Variants in TGM2 observed in about 807,000 individuals in gnomAD.
TGM2 encodes the protein protein-glutamine gamma-glutamyltransferase 2.
Under a neutral mutation model 75.6 loss-of-function variants are expected in TGM2, and 53 were observed. The observed-to-expected ratio is 0.70, with a 90% CI of 0.56 to 0.88. The LOEUF is 0.88. TGM2 is among the 40% of genes least tolerant of loss of function. The pLI, the probability that TGM2 is intolerant of heterozygous loss-of-function variation, is 0.00. For missense variants in TGM2, 842 were observed against 928.5 expected (o/e 0.91, Z 1.21); for synonymous variants, 374 against 381.1 (o/e 0.98, Z 0.22).
At chr20:38,141,210 C>T in intron 8 of TGM2, 72 bp downstream of exon 8, 1 of 1,316,990 alleles carries the variant, frequency 7.6e-7, no homozygotes, top group Non-Finnish European at 1.1e-6. Context: ...TGCCGCCCTC[C>T]AGCTGAGTCA....
rs368023176 is a variant in TGM2 at position 38,142,075 on chromosome 20, G to T, written c.984C>A (p.Ser328Arg). ...GGCCCCCACCTCACCAGATCATCTC[G>T]CTCTTGTCACCCTGGATCTCCCCAA... Reference protein sequence around the residue: ...NEFGEIQGDKSEMIWNFHCWV... With the variant: ...NEFGEIQGDKREMIWNFHCWV... Residue 328 changes from serine to arginine, a missense_variant, in exon 7 of 13, where the codon AGC becomes AGA. Physicochemically the swap from Ser to Arg is moderately radical, Grantham distance 110. Transcript: ENST00000361475. 8 of 1,614,014 alleles carry T rather than the reference G, an allele frequency of 5.0e-6. No individual in the cohort carries two copies.
chr20:38,152,898 C>T (rs773580174), intron 3 of TGM2, among the ~76,000 whole-genome samples: 10 of 152,268 alleles, frequency 6.6e-5, no homozygotes, highest in Non-Finnish European at 7.3e-5. Context: ...CCCAGAACCA[C>T]GCTTCCCATT....
intron 11 of TGM2, among the ~76,000 whole-genome samples, chr20:38,131,905 C>T (rs2122846712): frequency 6.6e-6 from 1 of 152,052 alleles, no homozygotes; most frequent in Non-Finnish European, 1.5e-5. Context: ...TATTATTAAC[C>T]CCATGTTACA....
Position 38,156,098 on chromosome 20 carries a change from G to T in TGM2, c.191-9C>A. 1.9e-6 allele frequency: 3 copies of T among 1,610,998 alleles called. No individual in the cohort carries two copies. Among genetic ancestry groups the T allele is most frequent in the Non-Finnish European group, 1.7e-6 (2 of 1,179,388 alleles). ...CTGGCTAGGGGCTGGGCCTGTGGAGGGAGAAGCAGTAGCCGTGAGCTAGGG... is the reference window on the plus strand; with the variant it reads ...CTGGCTAGGGGCTGGGCCTGTGGAGTGAGAAGCAGTAGCCGTGAGCTAGGG... On this transcript the variant is annotated splice_polypyrimidine_tract_variant and intron_variant, in intron 2 of 12. Coordinates refer to ENST00000361475, the MANE Select transcript of TGM2 (RefSeq NM_004613.4).
chr20:38,154,710 A>C (rs1214637472), intron 3 of TGM2, among the ~76,000 whole-genome samples: 1 of 152,126 alleles, frequency 6.6e-6, no homozygotes, highest in Non-Finnish European at 1.5e-5. Flanking sequence ...AGGCAGCTGG[A>C]CGGTCTAACT....
intron 1 of TGM2, among the ~76,000 whole-genome samples, chr20:38,164,903 C>A (rs1278828194): frequency 6.6e-6 from 1 of 152,226 alleles, no homozygotes. Flanking sequence ...CCAGCCCCCA[C>A]TGACTGACTG....
rs2075068504 is a variant in TGM2, at chr20:38,148,094, G to C, written c.553-5C>G. 5 of 1,614,098 alleles carry C rather than the reference G, an allele frequency of 3.1e-6. No individual in the cohort carries two copies. Among genetic ancestry groups the C allele is most frequent in the Non-Finnish European group, 4.2e-6 (5 of 1,179,998 alleles). ...GTCTAGGATCCCATCTTCAAACTGTGTCAGAGGAAACAAGAGGAGAAAGAG... is the reference window on the plus strand; with the variant it reads ...GTCTAGGATCCCATCTTCAAACTGTCTCAGAGGAAACAAGAGGAGAAAGAG... On this transcript the variant is annotated splice_polypyrimidine_tract_variant and splice_region_variant and intron_variant, in intron 4 of 12. Transcript: ENST00000361475.
rs530596287 is a variant in TGM2 at position 38,161,508 on chromosome 20, T to C, written c.102A>G (p.Arg34=). 14 of 1,614,174 alleles carry C rather than the reference T, an allele frequency of 8.7e-6. No homozygotes were observed. The South Asian group carries it at 1.2e-4, about 14-fold the overall frequency. ...ADLCREKLVV[R]RGQPFWLTLH... ...GGGTCAGCCAGAAGGGCTGGCCCCG[T>C]CGCACCACCAGCTTCTCCCGGCACA... Residue 34 remains arginine (R), a synonymous_variant, in exon 2 of 13, where the codon CGA becomes CGG. Transcript: ENST00000361475.
At chr20:38,152,506 A>G (rs943248143) in intron 3 of TGM2, among the ~76,000 whole-genome samples, 3 of 152,198 alleles carry the variant, frequency 2.0e-5, no homozygotes, top group African/African-American at 7.2e-5. Flanking sequence ...CATTAGAATG[A>G]GTGTCAGCAC....
At chr20:38,152,012 A>G (rs370699748) in intron 3 of TGM2, among the ~76,000 whole-genome samples, 1 of 152,236 alleles carries the variant, frequency 6.6e-6, no homozygotes, top group East Asian at 1.9e-4. Context: ...GGTGAGCCCC[A>G]GGCACTCTTG....
At chr20:38,154,479 C>T (rs915787651) in intron 3 of TGM2, among the ~76,000 whole-genome samples, 3 of 152,196 alleles carry the variant, frequency 2.0e-5, no homozygotes, top group African/African-American at 7.2e-5. Context: ...GGGGAGGTGA[C>T]TGGCAACCCC....
At chr20:38,149,471 A>G (rs1360698736) in intron 4 of TGM2, among the ~76,000 whole-genome samples, 1 of 151,970 alleles carries the variant, frequency 6.6e-6, no homozygotes, top group East Asian at 1.9e-4. Context: ...AGGTCAGGAG[A>G]TCGAGACCAT....
At chr20:38,150,409 G>T (rs1012301129) in intron 4 of TGM2, among the ~76,000 whole-genome samples, 1 of 152,200 alleles carries the variant, frequency 6.6e-6, no homozygotes, top group South Asian at 2.1e-4. Flanking sequence ...GCAGCAGCTA[G>T]CAGATACAAC....
At chr20:38,134,435 C>A (rs1025047162) in intron 10 of TGM2, among the ~76,000 whole-genome samples, 1 of 152,166 alleles carries the variant, frequency 6.6e-6, no homozygotes, top group Non-Finnish European at 1.5e-5. Flanking sequence ...CATTATCCTC[C>A]GGGGGCTTGG....
At chr20:38,132,852 TGAGC>T in intron 10 of TGM2, 1 of 465,768 alleles carries the variant, frequency 2.1e-6, no homozygotes. Flanking sequence ...GAGGATGAGC[TGAGC>T]GAGTGTCCCG....
chr20:38,151,903 T>C (rs1406661381), intron 3 of TGM2, among the ~76,000 whole-genome samples: 1 of 152,152 alleles, frequency 6.6e-6, no homozygotes, highest in South Asian at 2.1e-4. Flanking sequence ...TGGGGCAAGA[T>C]GGTAGGAGCC....
At chr20:38,148,725 G>A (rs2075077227) in intron 4 of TGM2, among the ~76,000 whole-genome samples, 1 of 152,092 alleles carries the variant, frequency 6.6e-6, no homozygotes, top group Non-Finnish European at 1.5e-5. Context: ...CTCTGCCCAG[G>A]CTCACTGCCC....
intron 5 of TGM2, 59 bp from the exon 6 acceptor site, chr20:38,146,953 C>G: frequency 1.2e-5 from 18 of 1,560,670 alleles, no homozygotes; most frequent in Non-Finnish European, 1.6e-5. Context: ...GCTGTGCCGC[C>G]TGGGTGAGCC....
intron 6 of TGM2, 54 bp downstream of exon 6, chr20:38,146,663 G>A (rs770221222): frequency 6.9e-6 from 11 of 1,602,614 alleles, no homozygotes; most frequent in Non-Finnish European, 8.5e-6. Context: ...CTACTCCAGT[G>A]CTCTTCGTGC....
Sources: gnomAD v4.1 joint callset for allele counts (sites outside exome capture counted in the v4.1 genomes callset) on GRCh38, gnomAD v4.1.1 for gene constraint, MANE v1.5 for transcripts, NCBI Gene and HGNC (gene_info 2026-07-23, HGNC 2026-07-21) for gene names.